The following ERBB4 variants were observed in gnomAD, a reference collection of about 807,000 sequenced individuals.
ERBB4 encodes the protein erb-b2 receptor tyrosine kinase 4, also known as receptor tyrosine-protein kinase erbB-4.
In ERBB4, 42 loss-of-function variants were observed where a neutral mutation model predicts 158.0. That is an observed-to-expected ratio of 0.27 (90% CI 0.21 to 0.34). The LOEUF (loss-of-function observed/expected upper bound fraction) is 0.34, where lower values mean the gene tolerates loss of function less well. Ranked by LOEUF, ERBB4 falls within the 10% of genes least tolerant of loss-of-function variation. The pLI, the probability that ERBB4 is intolerant of heterozygous loss-of-function variation, is 1.00. For synonymous variants in ERBB4, 583 were observed against 558.7 expected, an observed-to-expected ratio of 1.04 and a Z score of -0.61; for missense variants, 1,333 against 1,624.1, an observed-to-expected ratio of 0.82 and a Z score of 3.08.
intron 20 of ERBB4, among the ~76,000 whole-genome samples, chr2:211,481,325 C>T (rs920129171): frequency 5.3e-5 from 8 of 152,006 alleles, no homozygotes; most frequent in African/African-American, 1.4e-4. Context: ...TGATACTATC[C>T]CTATTAATTT....
At chr2:211,627,545 T>C (rs1367272942) in intron 17 of ERBB4, among the ~76,000 whole-genome samples, 3 of 152,232 alleles carry the variant, frequency 2.0e-5, no homozygotes, top group Non-Finnish European at 4.4e-5. Context: ...TCTATCTAGA[T>C]TTGATTTCTG....
intron 3 of ERBB4, among the ~76,000 whole-genome samples, chr2:211,907,442 T>C (rs1028379249): frequency 6.6e-6 from 1 of 151,398 alleles, no homozygotes; most frequent in Non-Finnish European, 1.5e-5. Context: ...TGGTTACTGC[T>C]GTATAGACCC....
chr2:211,428,635 T>C (rs999914473), intron 21 of ERBB4, 152 bp from the exon 22 acceptor site: 8 of 460,394 alleles, frequency 1.7e-5, no homozygotes, highest in African/African-American at 1.4e-4. Flanking sequence ...TATGTTAATT[T>C]ATGACTATAA....
intron 2 of ERBB4, among the ~76,000 whole-genome samples, chr2:212,073,675 G>T (rs1461476079): frequency 6.6e-6 from 1 of 152,004 alleles, no homozygotes; most frequent in Non-Finnish European, 1.5e-5. Flanking sequence ...ACAGAGCAGG[G>T]TGAAGAAGAG....
chr2:211,527,733 T>G (rs2066387101), intron 20 of ERBB4, among the ~76,000 whole-genome samples: 1 of 152,124 alleles, frequency 6.6e-6, no homozygotes, highest in Non-Finnish European at 1.5e-5. Flanking sequence ...TGTAGAGTTT[T>G]TATTAGTTTT....
At chr2:212,074,076 T>G (rs2078205624) in intron 2 of ERBB4, among the ~76,000 whole-genome samples, 1 of 152,034 alleles carries the variant, frequency 6.6e-6, no homozygotes, top group Admixed American at 6.6e-5. Context: ...ATGTACATTC[T>G]ACTGAAGGTG....
rs578248948 is a variant in ERBB4, at chr2:211,532,416, C to T, written c.2487+29487G>A. On this transcript the variant is annotated intron_variant, in intron 20 of 27. Coordinates refer to ENST00000342788, the MANE Select transcript of ERBB4 (RefSeq NM_005235.3). ...ATGTAACCATAAACATATACACCTA[C>T]TATGTACCCCCAAAAATAAATATAA... 5.9e-5 allele frequency among the ~76,000 whole-genome samples: 9 copies of T among 152,082 alleles called. No homozygotes were observed. The East Asian group carries it at 1.7e-3, about 29-fold the overall frequency.
chr2:211,482,225 C>G (rs1455353465), intron 20 of ERBB4, among the ~76,000 whole-genome samples: 2 of 152,124 alleles, frequency 1.3e-5, no homozygotes, highest in Non-Finnish European at 2.9e-5. Context: ...CTATCCAAAC[C>G]CAGGTGAAGA....
At chr2:211,819,886 T>A (rs1681582787) in intron 3 of ERBB4, among the ~76,000 whole-genome samples, 1 of 151,826 alleles carries the variant, frequency 6.6e-6, no homozygotes, top group Non-Finnish European at 1.5e-5. Flanking sequence ...TGTGATAGTT[T>A]TTAGATGTGG....
intron 2 of ERBB4, among the ~76,000 whole-genome samples, chr2:212,019,224 G>A (rs906946201): frequency 6.6e-6 from 1 of 152,190 alleles, no homozygotes; most frequent in Non-Finnish European, 1.5e-5. Context: ...CTTAGAAAAT[G>A]TCTGGCTCTT....
intron 1 of ERBB4, among the ~76,000 whole-genome samples, chr2:212,453,153 T>G (rs922127833): frequency 6.6e-6 from 1 of 152,194 alleles, no homozygotes; most frequent in Middle Eastern, 3.2e-3. Flanking sequence ...TTTCTGACTA[T>G]AAAAATGTTA....
chr2:211,987,710 G>C (rs963709203), intron 2 of ERBB4, among the ~76,000 whole-genome samples: 7 of 152,058 alleles, frequency 4.6e-5, no homozygotes, highest in African/African-American at 1.4e-4. Context: ...CAAAAAAAAT[G>C]CAATTGTTTC....
chr2:211,553,899 T>C (rs1270313667), intron 20 of ERBB4, among the ~76,000 whole-genome samples: 1 of 152,268 alleles, frequency 6.6e-6, no homozygotes, highest in East Asian at 1.9e-4. Context: ...GTTTGCTTTA[T>C]TTCAATAGTT....
intron 5 of ERBB4, among the ~76,000 whole-genome samples, chr2:211,735,223 A>T (rs2074566560): frequency 3.5e-5 from 1 of 28,354 alleles, no homozygotes; most frequent in Non-Finnish European, 7.0e-5. Flanking sequence ...ACATGAATTT[A>T]AAAAAAAAAC....
At chr2:212,511,651 G>A (rs1691526223) in intron 1 of ERBB4, among the ~76,000 whole-genome samples, 2 of 151,930 alleles carry the variant, frequency 1.3e-5, no homozygotes, top group Admixed American at 1.3e-4. Context: ...TGACCAAGAA[G>A]GGGGAGTCAA....
At chr2:212,524,685 A>ATT (rs112996712) in intron 1 of ERBB4, among the ~76,000 whole-genome samples, 17 of 151,372 alleles carry the variant, frequency 1.1e-4, no homozygotes, top group Admixed American at 2.6e-4. Context: ...TGTTTAAGTC[A>ATT]TTTTTTTTAA....
chr2:211,694,073 G>T (rs904722122), intron 12 of ERBB4, among the ~76,000 whole-genome samples: 3 of 152,086 alleles, frequency 2.0e-5, no homozygotes, highest in African/African-American at 7.2e-5. Flanking sequence ...GACCTACCCT[G>T]CTCCAGTATA....
chr2:212,064,988 GGT>G (rs34396660), intron 2 of ERBB4, among the ~76,000 whole-genome samples: 53,092 of 143,042 alleles, frequency 0.37, 10,811 homozygotes, highest in East Asian at 0.55. Context: ...ACATCTTTAT[GGT>G]GTGTGTGTGT....
At chr2:211,591,247 A>G (rs1343456131) in intron 19 of ERBB4, among the ~76,000 whole-genome samples, 1 of 152,210 alleles carries the variant, frequency 6.6e-6, no homozygotes, top group African/African-American at 2.4e-5. Context: ...TCAGTTTTCC[A>G]ATTATACATT....
Sources: gnomAD v4.1 joint callset for allele counts (sites outside exome capture counted in the v4.1 genomes callset) on GRCh38, gnomAD v4.1.1 for gene constraint, MANE v1.5 for transcripts, NCBI Gene and HGNC (gene_info 2026-07-23, HGNC 2026-07-21) for gene names.